Variants in COL6A1 observed in about 807,000 individuals in gnomAD.
COL6A1 encodes the protein collagen alpha-1(VI) chain.
In COL6A1, 80 loss-of-function variants were observed where a neutral mutation model predicts 145.6. That is an observed-to-expected ratio of 0.55 (90% confidence interval 0.46 to 0.66). The LOEUF (loss-of-function observed/expected upper bound fraction) is 0.66, where lower values mean the gene tolerates loss of function less well. Ranked by LOEUF, COL6A1 falls within the 30% of genes least tolerant of loss-of-function variation. COL6A1 has a pLI of 0.00. For synonymous variants in COL6A1, 638 were observed against 622.8 expected, an observed-to-expected ratio of 1.02 and a Z score of -0.36; for missense variants, 1,364 against 1,473.8, an observed-to-expected ratio of 0.93 and a Z score of 1.22.
chr21:45,999,446 G>A (rs2077825626), intron 26 of COL6A1: 1 of 741,770 alleles, frequency 1.3e-6, no homozygotes, highest in Admixed American at 2.1e-5. Flanking sequence ...TCAGGGTGGG[G>A]CCCACCTGGG....
In COL6A1 at chr21:45,999,654, C is replaced by A. The variant is rs2077826798; in HGVS notation, c.1741-3C>A. On this transcript the variant is annotated splice_polypyrimidine_tract_variant and splice_region_variant and intron_variant, in intron 26 of 34. Coordinates refer to ENST00000361866, the MANE Select transcript of COL6A1 (RefSeq NM_001848.3). ...GAGCTCCTCTACTCCGTTTCTCGGACAGGGACCCCCAGGACACCAAGGACC... is the reference window on the plus strand; with the variant it reads ...GAGCTCCTCTACTCCGTTTCTCGGAAAGGGACCCCCAGGACACCAAGGACC... The A allele has an allele frequency of 1.9e-6, 3 of 1,613,502 alleles. No individual in the cohort carries two copies. The highest frequency in any genetic ancestry group is 2.5e-6 in the Non-Finnish European group (3 of 1,179,944).
At chr21:45,990,615 T>C (rs1603590975) in intron 13 of COL6A1, among the ~76,000 whole-genome samples, 158 bp from the exon 14 acceptor site, 1 of 46,196 alleles carries the variant, frequency 2.2e-5, no homozygotes, top group South Asian at 7.6e-4. Context: ...CAGGGAGGAG[T>C]GGGGTGGACG....
chr21:45,987,586 C>A, intron 7 of COL6A1, 24 bp from the exon 8 acceptor site: 1 of 1,612,566 alleles, frequency 6.2e-7, no homozygotes, highest in Non-Finnish European at 8.5e-7. Flanking sequence ...GGGGTCCTGG[C>A]TGACCGTCCC....
intron 30 of COL6A1, among the ~76,000 whole-genome samples, 178 bp downstream of exon 30, chr21:46,001,564 C>T (rs760212521): frequency 6.6e-6 from 1 of 152,200 alleles, no homozygotes; most frequent in Non-Finnish European, 1.5e-5. Flanking sequence ...CTCCACCTGG[C>T]GAGGCTGGCC....
chr21:45,982,548 G>T, intron 1 of COL6A1, 86 bp from the exon 2 acceptor site: 1 of 1,594,108 alleles, frequency 6.3e-7, no homozygotes, highest in Non-Finnish European at 8.6e-7. Context: ...TGCTGCAGGC[G>T]CTGGGCTGGC....
At chr21:45,991,187 G>T in intron 15 of COL6A1, 146 bp downstream of exon 15, 1 of 892,022 alleles carries the variant, frequency 1.1e-6, no homozygotes. Flanking sequence ...GAGGCTGGAG[G>T]CAGGCAGAGG....
chr21:46,000,386 C>G lies in COL6A1; in HGVS notation c.1813+19C>G. 6.2e-7 allele frequency: 1 copy of G among 1,613,774 alleles called. No individual in the cohort carries two copies. Among genetic ancestry groups the G allele is most frequent in the African/African-American group, 1.3e-5 (1 of 75,026 alleles). ...ATGTGCTGTGAGTATCTCTGAGAAG[C>G]CGTCCTCGTTAGGGAGAGCAGGGCC... is the stretch of plus-strand genomic sequence containing the variant. On this transcript the variant is annotated intron_variant, in intron 28 of 34. Transcript: ENST00000361866.
chr21:46,000,809 G>A (rs13053065), intron 29 of COL6A1, 42 bp downstream of exon 29: 1 of 1,612,360 alleles, frequency 6.2e-7, no homozygotes, highest in South Asian at 1.1e-5. Flanking sequence ...GGATCCCGGG[G>A]GTCGGGGAGC....
Position 46,002,631 on chromosome 21 carries a change from C to T in COL6A1, c.2355C>T (p.Gly785=). The T allele has an allele frequency of 1.2e-6, 2 of 1,614,032 alleles. No individual in the cohort carries two copies. The highest frequency in any genetic ancestry group is 1.7e-6 in the Non-Finnish European group (2 of 1,179,994). ...QGLAPSQGRP[G]LSLVKENYAE... ...TGGCACCATCCCAGGGCCGGCCCGG[C>T]CTCTCGCTGGTCAAGGAGAACTATG... is the stretch of plus-strand genomic sequence containing the variant. The change falls in exon 33 of 35, where the codon GGC becomes GGT. Residue 785 remains glycine, a synonymous_variant. Coordinates refer to ENST00000361866, the MANE Select transcript of COL6A1 (RefSeq NM_001848.3).
intron 34 of COL6A1, 43 bp downstream of exon 34, chr21:46,003,192 G>C: frequency 6.2e-7 from 1 of 1,613,726 alleles, no homozygotes; most frequent in African/African-American, 1.3e-5. Context: ...GGAGGGCACC[G>C]TGGTTGGGGC....
At chr21:45,990,319 C>T (rs752614380) in intron 12 of COL6A1, 35 bp downstream of exon 12, 1 of 1,612,606 alleles carries the variant, frequency 6.2e-7, no homozygotes, top group Admixed American at 1.7e-5. Context: ...GGAGTTCTGC[C>T]CCCACGGCAG....
At chr21:45,987,323 T>C in intron 6 of COL6A1, 148 bp downstream of exon 6, 1 of 1,480,032 alleles carries the variant, frequency 6.8e-7, no homozygotes, top group Non-Finnish European at 9.3e-7. Context: ...GTGCCCGGGA[T>C]GTGTGTCCCC....
rs1452029027 is a variant in COL6A1, at chr21:46,001,153, T to C, written c.1823-100T>C. The C allele has an allele frequency of 2.7e-6, 4 of 1,500,754 alleles. No individual in the cohort carries two copies. The African/African-American group carries it at 4.1e-5, about 16-fold the overall frequency. 93.0% of individuals were successfully genotyped at this position (1,500,754 alleles called of 1,614,324 possible). A position where few individuals can be genotyped will look rare whatever the true frequency, so the allele number is the denominator to read the frequency against. The stretch of plus-strand genomic sequence containing the variant: ...GACGGGGGGACCCCAACGTGTCAGG[T>C]GAGGATGTGGCAGCCAAGGAGGGGC... On this transcript the variant is annotated intron_variant, in intron 29 of 34. Coordinates refer to ENST00000361866, the MANE Select transcript of COL6A1 (RefSeq NM_001848.3).
At position 45,994,430 on chromosome 21, in the gene COL6A1, G is replaced by A. The variant is rs2123477403; in HGVS notation, c.1398+201G>A. On this transcript the variant is annotated intron_variant, in intron 20 of 34. Transcript: ENST00000361866. The surrounding 1 kb of genome is among the most constrained non-coding windows in gnomAD (Gnocchi z 6.8). ...GGGCCGGGCTGGTGTGGATTGTTGA[G>A]AGCAGGCCCAGCGCCCGGGGGCCTG... 1.3e-5 allele frequency among the ~76,000 whole-genome samples: 2 copies of A among 152,178 alleles called. No individual in the cohort carries two copies. Among genetic ancestry groups the A allele is most frequent in the Middle Eastern group, 6.8e-3 (2 of 294 alleles).
At position 45,986,934 on chromosome 21, in the gene COL6A1, C is replaced by T; in HGVS notation, c.589-10C>T. 1 of 1,545,650 alleles carries T rather than the reference C, an allele frequency of 6.5e-7. No homozygotes were observed. The highest frequency in any genetic ancestry group is 8.7e-7 in the Non-Finnish European group (1 of 1,149,766). Reference sequence around the variant, plus strand: ...AGCCCTGCTCAGCCCACCCTGAACACTGCCCCCAGGAGCCGCGTCTGAGCA... The same window carrying T: ...AGCCCTGCTCAGCCCACCCTGAACATTGCCCCCAGGAGCCGCGTCTGAGCA... On this transcript the variant is annotated splice_polypyrimidine_tract_variant and intron_variant, in intron 4 of 34. Coordinates refer to ENST00000361866, the MANE Select transcript of COL6A1 (RefSeq NM_001848.3).
rs188976961 is a variant in COL6A1 at position 46,001,589 on chromosome 21, G to A, written c.1956+203G>A. 2.8e-3 allele frequency among the ~76,000 whole-genome samples: 422 copies of A among 152,328 alleles called. 3 individuals are homozygous for A. Among genetic ancestry groups the A allele is most frequent in the African/African-American group, 3.2e-3 (132 of 41,578 alleles). On this transcript the variant is annotated intron_variant, in intron 30 of 34. Transcript: ENST00000361866. ...CGAGGCTGGCCCATTGTACACAGGC[G>A]CCCCAGATGAGGGAGGGTCTCCCCC...
At chr21:45,992,141 C>A (rs754893048) in intron 16 of COL6A1, 23 bp from the exon 17 acceptor site, 1 of 1,613,668 alleles carries the variant, frequency 6.2e-7, no homozygotes, top group Admixed American at 1.7e-5. Context: ...ATGGAGCGAC[C>A]ATTCAACCCT....
In COL6A1 at chr21:46,001,070, C is replaced by T. The variant is rs551989316; in HGVS notation, c.1823-183C>T. 1,723 of 887,812 alleles carry T rather than the reference C, an allele frequency of 1.9e-3. 23 individuals carry two copies. The African/African-American group carries it at 0.026, about 13-fold the overall frequency. The allele number at this position is 887,812 out of a possible 1,614,324, so 55.0% of individuals were successfully genotyped here. On this transcript the variant is annotated intron_variant, in intron 29 of 34. Transcript: ENST00000361866. ...CTGAGCAACGCCAGCCCTGACCAGCCGCCGGACAGAGCAGCCTTTACGGGG... is the reference window on the plus strand; with the variant it reads ...CTGAGCAACGCCAGCCCTGACCAGCTGCCGGACAGAGCAGCCTTTACGGGG...
At chr21:45,992,897 C>T in intron 19 of COL6A1, 87 bp downstream of exon 19, 1 of 1,238,578 alleles carries the variant, frequency 8.1e-7, no homozygotes, top group Admixed American at 2.0e-5. Context: ...AGCCACAGGA[C>T]ACATCATGAA....
Sources: allele counts gnomAD v4.1 joint callset (sites outside exome capture counted in the v4.1 genomes callset), GRCh38; gene constraint gnomAD v4.1.1; non-coding constraint Gnocchi (gnomAD v3.1); transcripts MANE v1.5; gene names NCBI Gene and HGNC (gene_info 2026-07-23, HGNC 2026-07-21).